Variants in RARB observed in about 807,000 individuals in gnomAD.
RARB encodes retinoic acid receptor beta.
In RARB, 17 loss-of-function variants were observed where a neutral mutation model predicts 51.9. The observed-to-expected ratio is 0.33, with a 90% CI of 0.22 to 0.49. RARB has a LOEUF of 0.49. Ranked by LOEUF, RARB falls within the 20% of genes least tolerant of loss-of-function variation. The pLI is 0.99. For missense variants in RARB, 369 were observed against 550.8 expected, an observed-to-expected ratio of 0.67 and a Z score of 3.30; for synonymous variants, 215 against 195.4, an observed-to-expected ratio of 1.10 and a Z score of -0.84.
chr3:25,209,878 T>A (rs1431567405), intron 5 of RARB, among the ~76,000 whole-genome samples: 1 of 152,236 alleles, frequency 6.6e-6, no homozygotes, highest in African/African-American at 2.4e-5. Flanking sequence ...CCGAAACTAC[T>A]GCTGGGAAGC....
At chr3:25,223,907 T>C (rs530310113) in intron 5 of RARB, among the ~76,000 whole-genome samples, 20 of 152,346 alleles carry the variant, frequency 1.3e-4, no homozygotes, top group Admixed American at 2.6e-4. Flanking sequence ...TTAGTACATT[T>C]ACTATGCACT....
At chr3:24,997,572 T>A (rs6769712) in intron 2 of RARB, among the ~76,000 whole-genome samples, 85,083 of 151,906 alleles carry the variant, frequency 0.56, 25,788 homozygotes, top group African/African-American at 0.79. Context: ...GTTATAAGGG[T>A]TGAGGTTTCA....
At chr3:25,101,259 G>A (rs1166080110) in intron 3 of RARB, among the ~76,000 whole-genome samples, 3 of 152,118 alleles carry the variant, frequency 2.0e-5, no homozygotes, top group African/African-American at 4.8e-5. Flanking sequence ...ACCTGAGCCT[G>A]TGAGAATTCC....
At chr3:25,429,734 G>A (rs1238832399) in intron 1 of RARB, among the ~76,000 whole-genome samples, 1 of 152,224 alleles carries the variant, frequency 6.6e-6, no homozygotes, top group African/African-American at 2.4e-5. Flanking sequence ...CTGGTCAACA[G>A]TAGCCTGGCT....
chr3:25,261,874 C>T (rs573840681), intron 5 of RARB, among the ~76,000 whole-genome samples: 1 of 152,220 alleles, frequency 6.6e-6, no homozygotes, highest in South Asian at 2.1e-4. Context: ...CTTCCTTTCT[C>T]TTCTGACTCT....
At chr3:25,216,423 G>A (rs1010594434) in intron 5 of RARB, among the ~76,000 whole-genome samples, 10 of 152,100 alleles carry the variant, frequency 6.6e-5, no homozygotes, top group South Asian at 2.1e-4. Flanking sequence ...GAATGAGTTC[G>A]TATCCTTTGC....
intron 5 of RARB, among the ~76,000 whole-genome samples, chr3:25,231,082 G>A (rs1320941156): frequency 6.6e-6 from 1 of 152,024 alleles, no homozygotes. Flanking sequence ...TTGGCTTGGA[G>A]CTCCTGAGGA....
At chr3:25,505,544 A>AT (rs5847359) in intron 3 of RARB, among the ~76,000 whole-genome samples, 78,642 of 146,212 alleles carry the variant, frequency 0.54, 24,063 homozygotes, top group African/African-American at 0.86. Context: ...TTATTTCTTC[A>AT]TTTTTTTTTT....
At chr3:25,544,721 A>T (rs7635247) in intron 3 of RARB, among the ~76,000 whole-genome samples, 21,474 of 152,098 alleles carry the variant, frequency 0.14, 1,907 homozygotes, top group African/African-American at 0.25. Context: ...ATTACAGGCA[A>T]TATCTCCAAG....
At chr3:24,868,604 C>T (rs1347274829) in intron 2 of RARB, among the ~76,000 whole-genome samples, 2 of 152,050 alleles carry the variant, frequency 1.3e-5, no homozygotes, top group African/African-American at 4.8e-5. Context: ...TTGGACTTGC[C>T]TCATTATATC....
At chr3:25,206,552 C>T in intron 5 of RARB, among the ~76,000 whole-genome samples, 1 of 152,198 alleles carries the variant, frequency 6.6e-6, no homozygotes, top group Middle Eastern at 3.4e-3. Flanking sequence ...TGAGGTCATT[C>T]CCTGTGCCCA....
intron 4 of RARB, among the ~76,000 whole-genome samples, chr3:25,144,143 A>G (rs1186875126): frequency 6.6e-6 from 1 of 152,168 alleles, no homozygotes; most frequent in Non-Finnish European, 1.5e-5. Flanking sequence ...CTACTTATAT[A>G]AGGTTTCCAG....
At position 25,240,462 on chromosome 3, in the gene RARB, GTTTGTTATATATGGCCTTTA is replaced by G. The variant is rs1171351366; in HGVS notation, c.178+65890_178+65909del. On this transcript the variant is annotated intron_variant, in intron 5 of 11. Transcript: ENST00000383772. ...CCATTTAGTATAATGTTAACTATGT[GTTTGTTATATATGGCCTTTA>G]TTATATTTTGTGGTATGTTTCCTTC... is the stretch of plus-strand genomic sequence containing the variant. Among the ~76,000 whole-genome samples the G allele has an allele frequency of 2.0e-5, 3 of 152,004 alleles. No individual in the cohort carries two copies. In the South Asian group the frequency reaches 6.2e-4, roughly 32 times the overall value.
chr3:25,504,635 A>G (rs1012767123), intron 3 of RARB, among the ~76,000 whole-genome samples: 2 of 152,138 alleles, frequency 1.3e-5, no homozygotes, highest in Non-Finnish European at 2.9e-5. Context: ...CAGGTCCCAC[A>G]GTGCTGTTCC....
At chr3:25,322,281 G>C (rs1411715499) in intron 5 of RARB, among the ~76,000 whole-genome samples, 1 of 152,168 alleles carries the variant, frequency 6.6e-6, no homozygotes, top group African/African-American at 2.4e-5. Context: ...ATAAGCCATA[G>C]AGGGATAAGT....
At position 24,961,083 on chromosome 3, in the gene RARB, G is replaced by A. The variant is rs371848588; in HGVS notation, c.-379-99042G>A. ...ACTATTAAATAAGAGACTTGAGAAAGCATTTTTGAAAACTGAAAAGAACTG... is the reference window on the plus strand; with the variant it reads ...ACTATTAAATAAGAGACTTGAGAAAACATTTTTGAAAACTGAAAAGAACTG... On this transcript the variant is annotated intron_variant, in intron 2 of 11. Coordinates refer to the RARB transcript ENST00000383772. Among the ~76,000 whole-genome samples the A allele has an allele frequency of 1.1e-4, 17 of 152,246 alleles. No individual in the cohort carries two copies. The South Asian group carries it at 2.3e-3, about 20-fold the overall frequency.
At chr3:25,133,179 TTTA>T (rs1402547772) in intron 4 of RARB, among the ~76,000 whole-genome samples, 1 of 152,014 alleles carries the variant, frequency 6.6e-6, no homozygotes, top group African/African-American at 2.4e-5. Flanking sequence ...GTGAAATAAA[TTTA>T]TTAAGATGTT....
At chr3:25,472,472 G>T (rs1395010310) in intron 2 of RARB, among the ~76,000 whole-genome samples, 2 of 152,142 alleles carry the variant, frequency 1.3e-5, no homozygotes, top group Non-Finnish European at 2.9e-5. Context: ...AGAAATTATG[G>T]ATTTGGTGAA....
intron 5 of RARB, among the ~76,000 whole-genome samples, chr3:25,383,261 C>A (rs1199042173): frequency 6.6e-6 from 1 of 152,158 alleles, no homozygotes; most frequent in Non-Finnish European, 1.5e-5. Flanking sequence ...GAATTGTGAT[C>A]CTGAGCAATT....
Sources: allele counts gnomAD v4.1 joint callset (sites outside exome capture counted in the v4.1 genomes callset), GRCh38; gene constraint gnomAD v4.1.1; transcripts MANE v1.5; gene names NCBI Gene and HGNC (gene_info 2026-07-23, HGNC 2026-07-21).